The following BORA variants were observed in gnomAD, a reference collection of about 807,000 sequenced individuals.
BORA encodes the protein protein aurora borealis.
In BORA, 26 loss-of-function variants were observed where a neutral mutation model predicts 55.8. That is an observed-to-expected ratio of 0.47 (90% CI 0.34 to 0.65). The LOEUF is 0.65. Ranked by LOEUF, BORA falls within the 30% of genes least tolerant of loss-of-function variation. BORA has a pLI of 0.01. For synonymous variants in BORA, 201 were observed against 216.9 expected, an observed-to-expected ratio of 0.93 and a Z score of 0.64; for missense variants, 568 against 671.5, an observed-to-expected ratio of 0.85 and a Z score of 1.70.
chr13:72,746,574 T>C lies in BORA; in HGVS notation c.945T>C (p.Cys315=), dbSNP rs148364649. 1.4e-5 allele frequency: 23 copies of C among 1,614,102 alleles called. No individual in the cohort carries two copies. The change falls in exon 10 of 12, where the codon TGT becomes TGC. Residue 315 remains cysteine (C), a synonymous_variant. Transcript: ENST00000390667. Reference sequence around the variant, plus strand: ...ATTCTAATGGGATAACTAATCCGTGTATCAGAAGTCCTTATATAGATGGCT... The same window carrying C: ...ATTCTAATGGGATAACTAATCCGTGCATCAGAAGTCCTTATATAGATGGCT... The part of the protein sequence containing the change: ...GTNSNGITNP[C]IRSPYIDGCS...
At chr13:72,746,122 A>G (rs2033135650) in intron 9 of BORA, 46 bp downstream of exon 9, 1 of 1,491,788 alleles carries the variant, frequency 6.7e-7, no homozygotes, top group Non-Finnish European at 9.2e-7. Flanking sequence ...TATACTATCA[A>G]TATTTGTTAT....
At chr13:72,753,431 C>CA (rs2033335317) in intron 10 of BORA, 2 of 294,534 alleles carry the variant, frequency 6.8e-6, no homozygotes, top group South Asian at 7.2e-5. Context: ...AGCATTGTGT[C>CA]AGTAGGCTGT....
chr13:72,742,767 TACACACAC>T (rs67866253), intron 5 of BORA, among the ~76,000 whole-genome samples: 16,615 of 141,490 alleles, frequency 0.12, 1,184 homozygotes, highest in Non-Finnish European at 0.17. Context: ...TATATATATA[TACACACAC>T]ACACACACAC....
Position 72,744,538 on chromosome 13 carries a change from AT to A in BORA, c.492del (p.Phe164LeufsTer3). On this transcript the variant is annotated frameshift_variant, in exon 7 of 12. Coordinates refer to ENST00000390667, the MANE Select transcript of BORA (RefSeq NM_024808.5). LOFTEE classifies it high-confidence loss of function. ...CAGACATTGCTGTCTCTTCCTGTGG[AT>A]TTTAATTTAGAAAATATATTAGGTA... ...ACQTLLSLPV[D>X]FNLENILGDY... The A allele has an allele frequency of 6.2e-7, 1 of 1,609,808 alleles. No individual in the cohort carries two copies.
intron 2 of BORA, among the ~76,000 whole-genome samples, chr13:72,729,821 C>A (rs1368697667): frequency 6.6e-6 from 1 of 152,136 alleles, no homozygotes; most frequent in Non-Finnish European, 1.5e-5. Context: ...AAGAAACTAA[C>A]CCCTATTTTA....
chr13:72,737,314 A>G (rs918340153), intron 4 of BORA, among the ~76,000 whole-genome samples: 1 of 152,204 alleles, frequency 6.6e-6, no homozygotes, highest in Non-Finnish European at 1.5e-5. Flanking sequence ...CTGATGTGAC[A>G]TCACTGAATG....
At chr13:72,741,651 G>A (rs1350789722) in intron 5 of BORA, among the ~76,000 whole-genome samples, 2 of 151,610 alleles carry the variant, frequency 1.3e-5, no homozygotes, top group Non-Finnish European at 2.9e-5. Context: ...TTTGATTGTG[G>A]TCTTAAACTT....
chr13:72,749,263 T>C (rs1417886932), intron 10 of BORA, among the ~76,000 whole-genome samples: 1 of 152,194 alleles, frequency 6.6e-6, no homozygotes, highest in Non-Finnish European at 1.5e-5. Context: ...TGATCTCTTT[T>C]TATCCCCAAC....
At chr13:72,748,266 A>G (rs911972582) in intron 10 of BORA, among the ~76,000 whole-genome samples, 4 of 152,212 alleles carry the variant, frequency 2.6e-5, no homozygotes, top group Non-Finnish European at 4.4e-5. Flanking sequence ...TAAAGTTTCT[A>G]TACAACTAGT....
intron 9 of BORA, 28 bp from the exon 10 acceptor site, chr13:72,746,473 T>C: frequency 6.4e-7 from 1 of 1,570,958 alleles, no homozygotes; most frequent in South Asian, 1.2e-5. Context: ...TTTTATGATG[T>C]GATTTTTTTT....
intron 2 of BORA, among the ~76,000 whole-genome samples, chr13:72,731,054 C>T (rs1415538080): frequency 6.6e-6 from 1 of 151,922 alleles, no homozygotes; most frequent in Non-Finnish European, 1.5e-5. Flanking sequence ...GGTGACAGAA[C>T]GAGACTCTGT....
intron 7 of BORA, 134 bp downstream of exon 7, chr13:72,744,695 T>G: frequency 1.4e-6 from 1 of 703,206 alleles, no homozygotes; most frequent in Non-Finnish European, 2.4e-6. Flanking sequence ...GCCCTGAAAT[T>G]TCTCTTTTTC....
At chr13:72,748,728 TTCTCTCTCTCTC>T (rs58975643) in intron 10 of BORA, among the ~76,000 whole-genome samples, 13 of 137,760 alleles carry the variant, frequency 9.4e-5, no homozygotes, top group African/African-American at 2.0e-4. Context: ...TTTTTTCACT[TTCTCTCTCTCTC>T]TCTCTCTCTC....
chr13:72,733,434 A>T (rs1593806200), intron 3 of BORA, among the ~76,000 whole-genome samples: 1 of 152,318 alleles, frequency 6.6e-6, no homozygotes, highest in East Asian at 1.9e-4. Context: ...GCTGGTCAGG[A>T]TGCTCTCCCC....
intron 3 of BORA, 41 bp downstream of exon 3, chr13:72,731,428 C>A: frequency 7.4e-7 from 1 of 1,359,556 alleles, no homozygotes; most frequent in Non-Finnish European, 1.0e-6. Flanking sequence ...ATAACACTCT[C>A]AAGTGAAGAG....
In BORA at chr13:72,737,974, G is replaced by T. The variant is rs1376978781; in HGVS notation, c.319G>T (p.Asp107Tyr). The T allele has an allele frequency of 1.3e-6, 2 of 1,587,678 alleles. No individual in the cohort carries two copies. Among genetic ancestry groups the T allele is most frequent in the Non-Finnish European group, 1.7e-6 (2 of 1,164,518 alleles). The change falls in exon 5 of 12, where the codon GAT (aspartate) becomes TAT (tyrosine). Residue 107 changes from aspartate to tyrosine, a missense_variant. Asp to Tyr is a radical substitution (Grantham distance 160, BLOSUM62 -3). Coordinates refer to ENST00000390667, the MANE Select transcript of BORA (RefSeq NM_024808.5). The part of the protein sequence containing the change: ...QKAIEEFFTK[D>Y]VIVPSPWTDH... ...TTAATTTTCCTAGTTTTTCACTAAA[G>T]ATGTCATCGTACCCTCTCCTTGGAC... is the stretch of plus-strand genomic sequence containing the variant.
At chr13:72,742,829 A>G (rs1224266763) in intron 5 of BORA, among the ~76,000 whole-genome samples, 1 of 150,146 alleles carries the variant, frequency 6.7e-6, no homozygotes, top group Non-Finnish European at 1.5e-5. Flanking sequence ...AATACTATTC[A>G]GCCTTAAAAA....
chr13:72,750,647 A>T (rs1209409791), intron 10 of BORA, among the ~76,000 whole-genome samples: 1 of 152,114 alleles, frequency 6.6e-6, no homozygotes, highest in African/African-American at 2.4e-5. Flanking sequence ...GATTTTTAAA[A>T]ACTAGGAGTT....
At position 72,743,605 on chromosome 13, in the gene BORA, G is replaced by T; in HGVS notation, c.454+3G>T. 1 of 1,604,906 alleles carries T rather than the reference G, an allele frequency of 6.2e-7. No homozygotes were observed. Among genetic ancestry groups the T allele is most frequent in the Non-Finnish European group, 8.5e-7 (1 of 1,173,434 alleles). On this transcript the variant is annotated splice_donor_region_variant and intron_variant, in intron 6 of 11. Transcript: ENST00000390667. ...CATTCATTCTGAGAAAAGCGATGGT[G>T]AGTATGAACACAATTTGAAAAGAAG...
Sources: allele counts gnomAD v4.1 joint callset (sites outside exome capture counted in the v4.1 genomes callset), GRCh38; gene constraint gnomAD v4.1.1; transcripts MANE v1.5; gene names NCBI Gene and HGNC (gene_info 2026-07-23, HGNC 2026-07-21).